VAPA: variants seen among roughly 807,000 people sequenced by gnomAD.
VAPA encodes the protein vesicle-associated membrane protein-associated protein A.
VAPA carries 6 observed loss-of-function variants against 25.6 expected under a neutral mutation model. That is an observed-to-expected ratio of 0.23 (90% CI 0.13 to 0.46). The LOEUF (loss-of-function observed/expected upper bound fraction) is 0.46, where lower values mean the gene tolerates loss of function less well. Ranked by LOEUF, VAPA falls within the 20% of genes least tolerant of loss-of-function variation. The probability of loss-of-function intolerance (pLI) is 0.99; values close to 1 mark genes in which losing one functional copy is unlikely to be tolerated. For missense variants in VAPA, 244 were observed against 302.1 expected (o/e 0.81, Z 1.43); for synonymous variants, 112 against 106.2 (o/e 1.05, Z -0.34).
intron 4 of VAPA, chr18:9,944,937 C>G (rs143372755): frequency 6.2e-7 from 1 of 1,614,062 alleles, no homozygotes; most frequent in Non-Finnish European, 8.5e-7. Context: ...ATAACTCCAC[C>G]AGGGAATGCT....
rs1223891065 is a variant in VAPA at position 9,917,059 on chromosome 18, A to G, written c.79+2724A>G. On this transcript the variant is annotated intron_variant, in intron 1 of 5. Coordinates refer to ENST00000400000, the MANE Select transcript of VAPA (RefSeq NM_194434.3). ...AAGTTTGTTTTATACAGTCGTTAAC[A>G]TATAAAAGTGCATTTACGATGTAAT... Among the ~76,000 whole-genome samples the G allele has an allele frequency of 2.6e-5, 4 of 152,238 alleles. No individual in the cohort carries two copies. In the East Asian group the frequency reaches 7.7e-4, roughly 29 times the overall value.
chr18:9,943,841 C>CT (rs71169911), intron 4 of VAPA, among the ~76,000 whole-genome samples: 863 of 51,742 alleles, frequency 0.017, 287 homozygotes, highest in East Asian at 0.026. Context: ...ACATATTTCC[C>CT]TTTTTTTTTT....
At chr18:9,934,519 G>T (rs29155) in intron 2 of VAPA, among the ~76,000 whole-genome samples, 24 of 152,174 alleles carry the variant, frequency 1.6e-4, no homozygotes, top group Admixed American at 1.3e-4. Context: ...TGAAAAAGTT[G>T]TCTTAACCTT....
rs940724551 is a variant in VAPA, at chr18:9,953,895, C to T, written c.592-158C>T. On this transcript the variant is annotated intron_variant, in intron 5 of 5. Transcript: ENST00000400000. ...TCAGTTTTAGAATGTCTATCACCCC[C>T]GGAAAGTTTCCTTATGTGGTTAGCA... is the stretch of plus-strand genomic sequence containing the variant. 5.9e-5 allele frequency among the ~76,000 whole-genome samples: 9 copies of T among 152,268 alleles called. No homozygotes were observed. In the South Asian group the frequency reaches 8.3e-4, roughly 14 times the overall value.
chr18:9,941,671 T>G (rs1599111562), intron 4 of VAPA, among the ~76,000 whole-genome samples: 1 of 152,208 alleles, frequency 6.6e-6, no homozygotes, highest in South Asian at 2.1e-4. Context: ...GTAGTTAATA[T>G]TCCTTTTCTT....
Position 9,914,030 on chromosome 18 carries a change from C to G in VAPA, c.-227C>G, listed in dbSNP as rs1253678100. On this transcript the variant is annotated 5_prime_UTR_variant, in exon 1 of 6. Transcript: ENST00000400000. ...CGTGGGTCGCCGAGGCTCGCAAGTG[C>G]GCGTGGCCGTGGCGGCTGGTGTGGG... is the stretch of plus-strand genomic sequence containing the variant. The G allele has an allele frequency of 1.5e-5, 7 of 465,474 alleles. No homozygotes were observed. The highest frequency in any genetic ancestry group is 5.6e-4 in the Middle Eastern group (1 of 1,782). The allele number at this position is 465,474 out of a possible 1,614,324, so 28.8% of individuals were successfully genotyped here. A position where few individuals can be genotyped will look rare whatever the true frequency, so the allele number is the denominator to read the frequency against.
chr18:9,946,536 A>C (rs2069426105), intron 4 of VAPA, among the ~76,000 whole-genome samples: 1 of 151,600 alleles, frequency 6.6e-6, no homozygotes, highest in South Asian at 2.1e-4. Flanking sequence ...TGTGTGGCCC[A>C]AGACAATTTT....
rs750327169 is a variant in VAPA, at chr18:9,950,385, TG to T, written c.418-9del. 22 of 1,607,162 alleles carry T rather than the reference TG, an allele frequency of 1.4e-5. No individual in the cohort carries two copies. In the African/African-American group the frequency reaches 2.1e-4, roughly 16 times the overall value. ...TTAGTTAAAAAATTCCCAATATCTTTGTAATGCAGAATGATATGGAACCTAG... is the reference window on the plus strand; with the variant it reads ...TTAGTTAAAAAATTCCCAATATCTTTTAATGCAGAATGATATGGAACCTAG... On this transcript the variant is annotated splice_polypyrimidine_tract_variant and intron_variant, in intron 4 of 5. Coordinates refer to ENST00000400000, the MANE Select transcript of VAPA (RefSeq NM_194434.3).
intron 5 of VAPA, among the ~76,000 whole-genome samples, chr18:9,953,074 A>G (rs1475495264): frequency 6.6e-6 from 1 of 152,250 alleles, no homozygotes; most frequent in African/African-American, 2.4e-5. Flanking sequence ...GATAAAGACA[A>G]CTGTGTAGTT....
intron 5 of VAPA, 61 bp downstream of exon 5, chr18:9,950,629 A>T: frequency 6.5e-7 from 1 of 1,547,170 alleles, no homozygotes; most frequent in Non-Finnish European, 8.7e-7. Flanking sequence ...TGTGAGTGTT[A>T]TTAGGCCATT....
At chr18:9,951,675 T>G (rs2069491697) in intron 5 of VAPA, among the ~76,000 whole-genome samples, 1 of 152,256 alleles carries the variant, frequency 6.6e-6, no homozygotes, top group South Asian at 2.1e-4. Context: ...TGTTTGAAGC[T>G]CTTTGCAGCA....
Position 9,950,445 on chromosome 18 carries a change from T to C in VAPA, c.468T>C (p.Asp156=), listed in dbSNP as rs1044185. 1.2e-6 allele frequency: 2 copies of C among 1,614,154 alleles called. No individual in the cohort carries two copies. Among genetic ancestry groups the C allele is most frequent in the South Asian group, 2.2e-5 (2 of 91,074 alleles). The change falls in exon 5 of 6, where the codon GAT becomes GAC. Residue 156 remains aspartate (D), a synonymous_variant. Transcript: ENST00000400000. ...KAVPLNASKQ[D]GPMPKPHSVS... ...TTCCACTGAATGCATCTAAGCAAGA[T>C]GGACCTATGCCAAAACCACACAGTG... is the stretch of plus-strand genomic sequence containing the variant.
intron 3 of VAPA, 145 bp from the exon 4 acceptor site, chr18:9,936,841 A>G (rs1227818735): frequency 2.0e-5 from 12 of 605,928 alleles, no homozygotes; most frequent in African/African-American, 3.8e-5. Flanking sequence ...GCCGATAACA[A>G]TGGCAGGGTG....
chr18:9,955,823 C>G lies in VAPA; in HGVS notation c.*1612C>G, dbSNP rs1440895776. 2.0e-5 allele frequency: 3 copies of G among 152,166 alleles called. No homozygotes were observed. Among genetic ancestry groups the G allele is most frequent in the African/African-American group, 7.2e-5 (3 of 41,436 alleles). The allele number at this position is 152,166 out of a possible 1,614,324, so 9.4% of individuals were successfully genotyped here. A position where few individuals can be genotyped will look rare whatever the true frequency, so the allele number is the denominator to read the frequency against. On this transcript the variant is annotated 3_prime_UTR_variant, in exon 6 of 6. Transcript: ENST00000400000. The stretch of plus-strand genomic sequence containing the variant: ...TTCCTAAAAGGAAACACAAGTAATG[C>G]CTATCCATTACTAGCATGCTATGCT...
intron 5 of VAPA, chr18:9,950,883 G>T: frequency 3.7e-6 from 1 of 272,564 alleles, no homozygotes; most frequent in Non-Finnish European, 7.0e-6. Context: ...GGATTGTGTT[G>T]TCCCACATCA....
intron 5 of VAPA, among the ~76,000 whole-genome samples, chr18:9,952,113 G>A (rs969505999): frequency 1.3e-5 from 2 of 152,186 alleles, no homozygotes; most frequent in South Asian, 4.1e-4. Flanking sequence ...GGGGAGAAGT[G>A]GAAACAGTGA....
At chr18:9,924,350 C>A (rs542049808) in intron 1 of VAPA, among the ~76,000 whole-genome samples, 107 of 152,280 alleles carry the variant, frequency 7.0e-4, no homozygotes, top group African/African-American at 2.4e-3. Flanking sequence ...ACTAATTTCA[C>A]GTTCATTCTT....
chr18:9,956,640 A>G lies in VAPA; in HGVS notation c.*2429A>G, dbSNP rs571609605. Reference sequence around the variant, plus strand: ...TTGCTGTATGAAATGTGATCAGATTATTTTACTACCAACAGTTATAGTTTG... The same window carrying G: ...TTGCTGTATGAAATGTGATCAGATTGTTTTACTACCAACAGTTATAGTTTG... On this transcript the variant is annotated 3_prime_UTR_variant, in exon 6 of 6. Coordinates refer to ENST00000400000, the MANE Select transcript of VAPA (RefSeq NM_194434.3). The G allele has an allele frequency of 1.0e-4, 16 of 152,750 alleles. No individual in the cohort carries two copies. Among genetic ancestry groups the G allele is most frequent in the South Asian group, 4.1e-4 (2 of 4,822 alleles). The allele number at this position is 152,750 out of a possible 1,614,324, so 9.5% of individuals were successfully genotyped here. A position where few individuals can be genotyped will look rare whatever the true frequency, so the allele number is the denominator to read the frequency against.
chr18:9,929,564 T>G lies in VAPA; in HGVS notation c.80-2246T>G, dbSNP rs142807047. ...TTTACCTATGTATGTTTTTATGAGGTGGGATATGGCTTTCGTCAGGTTCTT... is the reference window on the plus strand; with the variant it reads ...TTTACCTATGTATGTTTTTATGAGGGGGGATATGGCTTTCGTCAGGTTCTT... On this transcript the variant is annotated intron_variant, in intron 1 of 5. Coordinates refer to ENST00000400000, the MANE Select transcript of VAPA (RefSeq NM_194434.3). 7.2e-5 allele frequency among the ~76,000 whole-genome samples: 11 copies of G among 152,296 alleles called. No individual in the cohort carries two copies. In the East Asian group the frequency reaches 2.1e-3, roughly 29 times the overall value.
Sources: gnomAD v4.1 joint callset for allele counts (sites outside exome capture counted in the v4.1 genomes callset) on GRCh38, gnomAD v4.1.1 for gene constraint, MANE v1.5 for transcripts, NCBI Gene and HGNC (gene_info 2026-07-23, HGNC 2026-07-21) for gene names.